DLG1: variants seen among roughly 807,000 people sequenced by gnomAD.
The protein encoded by DLG1 is discs large MAGUK scaffold protein 1, also known as disks large homolog 1.
A neutral mutation model predicts 123.4 loss-of-function variants in DLG1; 42 were observed. The ratio of observed to expected loss-of-function variants is 0.34; its 90% CI spans 0.27 to 0.44. The LOEUF (loss-of-function observed/expected upper bound fraction) is 0.44, where lower values mean the gene tolerates loss of function less well. Ranked by LOEUF, DLG1 falls within the 20% of genes least tolerant of loss-of-function variation. The pLI, the probability that DLG1 is intolerant of heterozygous loss-of-function variation, is 1.00. For missense variants in DLG1, 942 were observed against 1,082.6 expected (o/e 0.87, Z 1.82); for synonymous variants, 317 against 356.2 (o/e 0.89, Z 1.24).
At chr3:197,075,006 A>G (rs911932056) in intron 18 of DLG1, among the ~76,000 whole-genome samples, 1 of 152,080 alleles carries the variant, frequency 6.6e-6, no homozygotes, top group Admixed American at 6.5e-5. Context: ...AGATTAAAAG[A>G]TTACTTCTAT....
At chr3:197,258,170 A>G (rs1031459589) in intron 4 of DLG1, among the ~76,000 whole-genome samples, 1 of 152,240 alleles carries the variant, frequency 6.6e-6, no homozygotes, top group Non-Finnish European at 1.5e-5. Flanking sequence ...TAACTCGAAG[A>G]GAAGTACATT....
intron 1 of DLG1, chr3:197,298,007 C>T (rs1276138567): frequency 9.5e-6 from 8 of 846,276 alleles, no homozygotes; most frequent in Non-Finnish European, 1.1e-5. Flanking sequence ...GCCGCCTCCT[C>T]GCTCGCCGCG....
At chr3:197,202,187 G>C (rs1726120389) in intron 4 of DLG1, among the ~76,000 whole-genome samples, 1 of 152,120 alleles carries the variant, frequency 6.6e-6, no homozygotes, top group South Asian at 2.1e-4. Context: ...TGTAAGATGA[G>C]AAGAATTACA....
At chr3:197,157,635 C>CTTA (rs1341692743) in intron 5 of DLG1, among the ~76,000 whole-genome samples, 2 of 152,126 alleles carry the variant, frequency 1.3e-5, no homozygotes, top group African/African-American at 4.8e-5. Flanking sequence ...AATCTATAGA[C>CTTA]TTAATGCAAT....
chr3:197,196,248 G>A (rs1722466902), intron 4 of DLG1, among the ~76,000 whole-genome samples: 1 of 148,490 alleles, frequency 6.7e-6, no homozygotes, highest in South Asian at 2.1e-4. Context: ...ACCTCCAGTA[G>A]CACTTTTTAA....
intron 4 of DLG1, among the ~76,000 whole-genome samples, chr3:197,274,268 C>CT (rs898009756): frequency 6.6e-6 from 1 of 152,122 alleles, no homozygotes; most frequent in African/African-American, 2.4e-5. Flanking sequence ...CGGAACACAA[C>CT]AGAGAACACA....
chr3:197,154,592 G>A (rs973506915), intron 5 of DLG1, among the ~76,000 whole-genome samples: 12 of 151,478 alleles, frequency 7.9e-5, no homozygotes, highest in African/African-American at 2.7e-4. Flanking sequence ...GGAGAATGGC[G>A]TGAACCCGGG....
intron 13 of DLG1, among the ~76,000 whole-genome samples, chr3:197,107,219 C>T (rs183209875): frequency 1.6e-4 from 24 of 152,142 alleles, no homozygotes; most frequent in African/African-American, 4.3e-4. Context: ...TATTTAGTGG[C>T]GCTAAATAAT....
intron 13 of DLG1, among the ~76,000 whole-genome samples, chr3:197,107,085 T>C (rs1049992939): frequency 5.3e-5 from 8 of 152,206 alleles, no homozygotes; most frequent in African/African-American, 1.9e-4. Context: ...TACATATACC[T>C]ATATATACCT....
rs540456010 is a variant in DLG1 at position 197,169,165 on chromosome 3, T to A, written c.484-19369A>T. Among the ~76,000 whole-genome samples the A allele has an allele frequency of 5.9e-5, 9 of 152,344 alleles. No homozygotes were observed. In the South Asian group the frequency reaches 1.7e-3, roughly 28 times the overall value. On this transcript the variant is annotated intron_variant, in intron 5 of 24. Coordinates refer to ENST00000667157, the MANE Select transcript of DLG1 (RefSeq NM_001366207.1). ...CAGCCATTTGCATCTGTTCTGCACA[T>A]CCACATTTATGACCATGTACCGCCC...
intron 5 of DLG1, among the ~76,000 whole-genome samples, chr3:197,189,259 C>T (rs1717870942): frequency 6.6e-6 from 1 of 152,144 alleles, no homozygotes; most frequent in Non-Finnish European, 1.5e-5. Context: ...TATCTGAGAG[C>T]TGACATGGTC....
chr3:197,094,780 T>A (rs1759694214), intron 14 of DLG1, among the ~76,000 whole-genome samples: 1 of 152,192 alleles, frequency 6.6e-6, no homozygotes, highest in African/African-American at 2.4e-5. Context: ...TTCCAGTTTT[T>A]ATATGTGAAA....
chr3:197,136,823 T>C (rs1177022767), intron 9 of DLG1, 145 bp from the exon 10 acceptor site: 3 of 637,120 alleles, frequency 4.7e-6, no homozygotes, highest in Admixed American at 3.4e-5. Context: ...TACTAGTATA[T>C]GTTCTGCAAT....
chr3:197,127,457 AATATATATATATATATAT>A (rs1553936527), intron 11 of DLG1, among the ~76,000 whole-genome samples: 253 of 20,812 alleles, frequency 0.012, 2 homozygotes, highest in African/African-American at 0.033. Flanking sequence ...AAAAAAAAAA[AATATATATATATATATAT>A]ATATATATAT....
chr3:197,050,296 G>A (rs531246180), intron 24 of DLG1, among the ~76,000 whole-genome samples: 1 of 151,954 alleles, frequency 6.6e-6, no homozygotes, highest in Non-Finnish European at 1.5e-5. Flanking sequence ...GAACACGGAA[G>A]GCGGAGGTTG....
chr3:197,077,623 A>T (rs905666633), intron 17 of DLG1, among the ~76,000 whole-genome samples: 1 of 152,240 alleles, frequency 6.6e-6, no homozygotes, highest in Non-Finnish European at 1.5e-5. Flanking sequence ...AACAGTTTAT[A>T]CATAATTGTA....
chr3:197,103,433 G>T (rs191383746), intron 14 of DLG1, among the ~76,000 whole-genome samples: 2 of 152,086 alleles, frequency 1.3e-5, no homozygotes, highest in African/African-American at 4.8e-5. Flanking sequence ...CTGTAACTCG[G>T]CTTCCATATA....
intron 4 of DLG1, among the ~76,000 whole-genome samples, chr3:197,280,333 C>A (rs1768622712): frequency 9.7e-6 from 1 of 103,462 alleles, no homozygotes; most frequent in Admixed American, 1.0e-4. Flanking sequence ...AATAGTAGTC[C>A]ATTTTGTGTG....
At chr3:197,251,585 T>C (rs754119118) in intron 4 of DLG1, among the ~76,000 whole-genome samples, 3 of 152,196 alleles carry the variant, frequency 2.0e-5, no homozygotes, top group Admixed American at 6.5e-5. Flanking sequence ...GATATCCATA[T>C]GCATAAGAAT....
Sources: allele counts gnomAD v4.1 joint callset (sites outside exome capture counted in the v4.1 genomes callset), GRCh38; gene constraint gnomAD v4.1.1; transcripts MANE v1.5; gene names NCBI Gene and HGNC (gene_info 2026-07-23, HGNC 2026-07-21).